The following FOXP1 variants were observed in gnomAD, a reference collection of about 807,000 sequenced individuals.
FOXP1 encodes the protein forkhead box protein P1.
Under a neutral mutation model 98.2 loss-of-function variants are expected in FOXP1, and 15 were observed. That is an observed-to-expected ratio of 0.15 (90% CI 0.10 to 0.24). FOXP1 has a LOEUF of 0.24. FOXP1 is among the 10% of genes least tolerant of loss of function. The probability of loss-of-function intolerance (pLI) is 1.00; values close to 1 mark genes in which losing one functional copy is unlikely to be tolerated. For synonymous variants in FOXP1, 371 were observed against 314.5 expected (o/e 1.18, Z -1.90); for missense variants, 633 against 848.5 (o/e 0.75, Z 3.15).
intron 7 of FOXP1, among the ~76,000 whole-genome samples, chr3:71,058,163 G>A (rs1230491460): frequency 6.6e-6 from 1 of 152,060 alleles, no homozygotes; most frequent in Non-Finnish European, 1.5e-5. Flanking sequence ...GAATTGGGTG[G>A]GAGGGGAGAA....
intron 2 of FOXP1, among the ~76,000 whole-genome samples, chr3:71,567,420 A>G (rs530711789): frequency 7.9e-5 from 12 of 152,258 alleles, no homozygotes; most frequent in African/African-American, 2.9e-4. Flanking sequence ...TAAGTGGCAG[A>G]TAATCAGTGC....
intron 4 of FOXP1, among the ~76,000 whole-genome samples, chr3:71,328,372 A>G (rs1291827865): frequency 8.5e-5 from 13 of 152,256 alleles, no homozygotes. Flanking sequence ...CTTATTTGGT[A>G]CAATGAGGGA....
intron 3 of FOXP1, among the ~76,000 whole-genome samples, chr3:71,363,205 C>A (rs2078692571): frequency 6.6e-6 from 1 of 151,440 alleles, no homozygotes; most frequent in African/African-American, 2.4e-5. Flanking sequence ...TGATATAATT[C>A]TGATATAATT....
chr3:71,454,005 C>T (rs1356869648), intron 3 of FOXP1, among the ~76,000 whole-genome samples: 2 of 152,304 alleles, frequency 1.3e-5, no homozygotes, highest in South Asian at 2.1e-4. Context: ...CACCAAACCA[C>T]CTCTTCTGCT....
chr3:71,106,853 A>G (rs2057483137), intron 7 of FOXP1, among the ~76,000 whole-genome samples: 1 of 149,410 alleles, frequency 6.7e-6, no homozygotes, highest in Non-Finnish European at 1.5e-5. Context: ...GGCTCATTGT[A>G]GCCTCTACCT....
intron 6 of FOXP1, among the ~76,000 whole-genome samples, chr3:71,149,716 A>G (rs562323814): frequency 2.0e-5 from 3 of 152,364 alleles, no homozygotes; most frequent in Admixed American, 6.5e-5. Flanking sequence ...ATGTAAAATC[A>G]GATTCTGTTA....
At chr3:71,179,010 TA>T (rs202156226) in intron 6 of FOXP1, among the ~76,000 whole-genome samples, 3,848 of 128,714 alleles carry the variant, frequency 0.03, 171 homozygotes, top group African/African-American at 0.089. Context: ...GCACTCTGTC[TA>T]AAAAAAAAAA....
At chr3:71,450,734 G>T (rs2086870529) in intron 3 of FOXP1, among the ~76,000 whole-genome samples, 1 of 151,710 alleles carries the variant, frequency 6.6e-6, no homozygotes, top group African/African-American at 2.4e-5. Flanking sequence ...AAGATGAGTT[G>T]GTCATTTTTT....
intron 4 of FOXP1, among the ~76,000 whole-genome samples, chr3:71,309,065 A>G (rs1476868358): frequency 6.6e-6 from 1 of 152,168 alleles, no homozygotes; most frequent in Admixed American, 6.6e-5. Flanking sequence ...CTGATAAAAC[A>G]CAAGAGGTTA....
intron 4 of FOXP1, among the ~76,000 whole-genome samples, chr3:71,321,814 G>C (rs1055956201): frequency 7.9e-5 from 12 of 152,102 alleles, no homozygotes; most frequent in Middle Eastern, 3.4e-3. Flanking sequence ...TAGTAGACAA[G>C]GTTTCATCAT....
chr3:70,967,312 G>A (rs186784256), intron 19 of FOXP1, among the ~76,000 whole-genome samples: 66 of 152,240 alleles, frequency 4.3e-4, no homozygotes, highest in Admixed American at 3.4e-3. Flanking sequence ...TGTACAAACC[G>A]CAAAGCCAGG....
In FOXP1 at chr3:71,372,711, T is replaced by C. The variant is rs547090545; in HGVS notation, c.-167-13467A>G. On this transcript the variant is annotated intron_variant, in intron 3 of 20. Transcript: ENST00000649528. ...CTAAATATACCATGCTATCCTTCCA[T>C]TGAATAAAAAGCTAAGAAAAAAGAA... is the stretch of plus-strand genomic sequence containing the variant. 5.9e-5 allele frequency among the ~76,000 whole-genome samples: 9 copies of C among 152,284 alleles called. No individual in the cohort carries two copies. In the South Asian group the frequency reaches 8.3e-4, roughly 14 times the overall value.
intron 17 of FOXP1, among the ~76,000 whole-genome samples, chr3:70,976,613 C>G (rs1003344245): frequency 2.0e-5 from 3 of 152,156 alleles, no homozygotes; most frequent in Admixed American, 2.0e-4. Flanking sequence ...GAAGACCTAA[C>G]GGCATGAGGT....
chr3:70,981,799 T>C (rs1002874363), intron 14 of FOXP1, among the ~76,000 whole-genome samples: 8 of 152,116 alleles, frequency 5.3e-5, no homozygotes, highest in Non-Finnish European at 7.3e-5. Flanking sequence ...TAATGACACA[T>C]ATACATATTC....
chr3:71,134,525 A>AAAC (rs2107949232), intron 6 of FOXP1, among the ~76,000 whole-genome samples: 1 of 152,356 alleles, frequency 6.6e-6, no homozygotes, highest in African/African-American at 2.4e-5. Context: ...ATATATAGCC[A>AAAC]AGGAAATACT....
At chr3:71,359,908 G>A (rs929185656) in intron 3 of FOXP1, among the ~76,000 whole-genome samples, 7 of 151,930 alleles carry the variant, frequency 4.6e-5, no homozygotes, top group Non-Finnish European at 8.8e-5. Context: ...TTATCCTGCC[G>A]CAGCCTCCCG....
chr3:71,293,234 T>C (rs1381902468), intron 5 of FOXP1, among the ~76,000 whole-genome samples: 1 of 152,232 alleles, frequency 6.6e-6, no homozygotes, highest in East Asian at 1.9e-4. Flanking sequence ...AGGTTTGTGT[T>C]CCTAAAATGC....
At chr3:71,473,076 C>T (rs769759225) in intron 3 of FOXP1, among the ~76,000 whole-genome samples, 6 of 152,222 alleles carry the variant, frequency 3.9e-5, no homozygotes, top group Non-Finnish European at 5.9e-5. Flanking sequence ...TCTGTAACCA[C>T]TACACTCCAT....
At chr3:70,971,283 CA>C (rs1454726483) in intron 18 of FOXP1, 1 of 199,874 alleles carries the variant, frequency 5.0e-6, no homozygotes, top group Non-Finnish European at 1.0e-5. Flanking sequence ...GGAATATCCA[CA>C]AGGCACGTTT....
Sources: allele counts gnomAD v4.1 joint callset (sites outside exome capture counted in the v4.1 genomes callset), GRCh38; gene constraint gnomAD v4.1.1; transcripts MANE v1.5; gene names NCBI Gene and HGNC (gene_info 2026-07-23, HGNC 2026-07-21).